Variants in WDFY4 observed in about 807,000 individuals in gnomAD.
WDFY4 encodes WD repeat- and FYVE domain-containing protein 4.
WDFY4 carries 169 observed loss-of-function variants against 351.9 expected under a neutral mutation model. That is an observed-to-expected ratio of 0.48 (90% CI 0.42 to 0.55). The LOEUF (loss-of-function observed/expected upper bound fraction) is 0.55. Ranked by LOEUF, WDFY4 falls within the 20% of genes least tolerant of loss-of-function variation. WDFY4 has a pLI of 0.00. For synonymous variants in WDFY4, 1,622 were observed against 1,574.6 expected (o/e 1.03, Z -0.71); for missense variants, 3,803 against 3,935.6 (o/e 0.97, Z 0.90).
intron 47 of WDFY4, among the ~76,000 whole-genome samples, chr10:48,917,138 G>T (rs1221292866): frequency 6.6e-6 from 1 of 152,166 alleles, no homozygotes; most frequent in Non-Finnish European, 1.5e-5. Context: ...TAGGTCTATA[G>T]TAGGCTATAC....
chr10:48,910,277 G>C, intron 47 of WDFY4: 1 of 1,596,582 alleles, frequency 6.3e-7, no homozygotes, highest in Admixed American at 1.7e-5. Context: ...GGAGACACAA[G>C]AAGGTGAGGC....
chr10:48,831,636 T>C (rs2068192494), intron 38 of WDFY4, among the ~76,000 whole-genome samples: 1 of 152,242 alleles, frequency 6.6e-6, no homozygotes, highest in Non-Finnish European at 1.5e-5. Context: ...CCATTTATGC[T>C]GCTATAACAA....
intron 47 of WDFY4, among the ~76,000 whole-genome samples, chr10:48,925,855 C>T (rs1470535650): frequency 6.6e-6 from 1 of 152,116 alleles, no homozygotes; most frequent in Non-Finnish European, 1.5e-5. Flanking sequence ...AAGTAATTGC[C>T]TCAAACATGC....
intron 13 of WDFY4, among the ~76,000 whole-genome samples, chr10:48,772,287 C>T (rs373461107): frequency 1.3e-5 from 2 of 152,056 alleles, no homozygotes; most frequent in African/African-American, 2.4e-5. Context: ...AACACAGTCC[C>T]GAGGGCACTG....
chr10:48,778,481 G>C, intron 17 of WDFY4, 130 bp from the exon 18 acceptor site: 1 of 897,384 alleles, frequency 1.1e-6, no homozygotes. Flanking sequence ...ATGGGGAGGA[G>C]ACAACTGGTG....
At chr10:48,727,831 T>C (rs1038416597) in intron 7 of WDFY4, among the ~76,000 whole-genome samples, 172 bp downstream of exon 7, 5 of 152,210 alleles carry the variant, frequency 3.3e-5, no homozygotes, top group African/African-American at 1.2e-4. Context: ...ACCACTTCCT[T>C]AGAGAATCAG....
At chr10:48,849,884 C>T (rs1304014130) in intron 39 of WDFY4, among the ~76,000 whole-genome samples, 1 of 152,214 alleles carries the variant, frequency 6.6e-6, no homozygotes, top group African/African-American at 2.4e-5. Context: ...CCTTAGTCTT[C>T]TCTGGTTTGT....
chr10:48,764,646 A>C (rs1036186017), intron 13 of WDFY4, among the ~76,000 whole-genome samples: 1 of 152,302 alleles, frequency 6.6e-6, no homozygotes, highest in African/African-American at 2.4e-5. Context: ...GCTGTGCACC[A>C]GGCACTCACA....
chr10:48,974,891 G>A lies in WDFY4; in HGVS notation c.8958G>A (p.Thr2986=), dbSNP rs1180751249. 40 of 1,550,102 alleles carry A rather than the reference G, an allele frequency of 2.6e-5. No individual in the cohort carries two copies. The highest frequency in any genetic ancestry group is 3.3e-4 in the Middle Eastern group (2 of 6,004). ...QALYGHTQAV[T]CLAASVTFSL... Reference sequence around the variant, plus strand: ...TGTATGGACACACACAGGCTGTCACGTGCCTGGCAGCGTCAGTCACCTTCA... The same window carrying A: ...TGTATGGACACACACAGGCTGTCACATGCCTGGCAGCGTCAGTCACCTTCA... Residue 2986 remains threonine (T), a synonymous_variant, in exon 58 of 62, where the codon ACG becomes ACA. Transcript: ENST00000325239.
intron 14 of WDFY4, among the ~76,000 whole-genome samples, chr10:48,774,989 CGGGAGGGGTGGGGCT>C (rs930471615): frequency 7.7e-6 from 1 of 129,520 alleles, no homozygotes; most frequent in African/African-American, 2.9e-5. Context: ...AAGGCTCTGC[CGGGAGGGGTGGGGCT>C]GGGAGGGGCT....
Position 48,974,527 on chromosome 10 carries a change from A to AAAAAAAAAAAC in WDFY4, c.8929-333_8929-332insAAAAAAAACAA. On this transcript the variant is annotated intron_variant, in intron 57 of 61. Transcript: ENST00000325239. Reference sequence around the variant, plus strand: ...CAAAAAAAAAAAAAAAAAAAAAAAAAAACAACTCATGACATGAACTGCTCC... The same window carrying AAAAAAAAAAAC: ...CAAAAAAAAAAAAAAAAAAAAAAAAAAAAAAAAAAACAACAACTCATGACATGAACTGCTCC... 2.6e-4 allele frequency among the ~76,000 whole-genome samples: 6 copies of AAAAAAAAAAAC among 23,142 alleles called. 1 individual carries two copies. The highest frequency in any genetic ancestry group is 4.4e-4 in the African/African-American group (6 of 13,746). The allele number at this position is 23,142 out of a possible 152,430, so 15.2% of individuals were successfully genotyped here. A position where few individuals can be genotyped will look rare whatever the true frequency, so the allele number is the denominator to read the frequency against.
intron 17 of WDFY4, among the ~76,000 whole-genome samples, chr10:48,777,788 G>A (rs1476207305): frequency 6.6e-6 from 1 of 152,222 alleles, no homozygotes; most frequent in Non-Finnish European, 1.5e-5. Flanking sequence ...CCTTGGTCCT[G>A]AGTATCTGCA....
At chr10:48,831,117 T>G (rs571117116) in intron 38 of WDFY4, among the ~76,000 whole-genome samples, 2 of 152,136 alleles carry the variant, frequency 1.3e-5, no homozygotes, top group Non-Finnish European at 2.9e-5. Flanking sequence ...AGCAGGAAGA[T>G]TCCAGTAATT....
intron 24 of WDFY4, among the ~76,000 whole-genome samples, chr10:48,796,815 T>C (rs2066891078): frequency 1.3e-5 from 2 of 152,212 alleles, no homozygotes; most frequent in Non-Finnish European, 1.5e-5. Flanking sequence ...TCAGTTCCTT[T>C]GGGTGGTGCT....
rs529812018 is a variant in WDFY4, at chr10:48,945,411, T to A, written c.7750-629T>A. Among the ~76,000 whole-genome samples, 184 of 152,108 alleles carry A rather than the reference T, an allele frequency of 1.2e-3. 1 individual carries two copies. Among genetic ancestry groups the A allele is most frequent in the African/African-American group, 4.4e-3 (182 of 41,488 alleles). On this transcript the variant is annotated intron_variant, in intron 49 of 61. Transcript: ENST00000325239. ...AAAGAAGGAGAGATACACAGGTACC[T>A]CCTCCTATAAAGAAATGCAAACCCC...
At chr10:48,818,520 G>C (rs1037203171) in intron 32 of WDFY4, among the ~76,000 whole-genome samples, 1 of 152,160 alleles carries the variant, frequency 6.6e-6, no homozygotes, top group African/African-American at 2.4e-5. Context: ...GTTTCCTCCA[G>C]GCTCACTGAG....
chr10:48,715,695 G>A (rs761973694), intron 2 of WDFY4, among the ~76,000 whole-genome samples: 4 of 151,998 alleles, frequency 2.6e-5, no homozygotes, highest in Non-Finnish European at 4.4e-5. Context: ...GCCCGATCTC[G>A]GCTCACTGCA....
chr10:48,957,408 A>G, intron 52 of WDFY4, 126 bp downstream of exon 52: 1 of 1,230,538 alleles, frequency 8.1e-7, no homozygotes, highest in Non-Finnish European at 1.1e-6. Context: ...ACTTCGGGTG[A>G]GGTCTCCACT....
chr10:48,818,172 G>C (rs2067687776), intron 32 of WDFY4, among the ~76,000 whole-genome samples: 1 of 152,222 alleles, frequency 6.6e-6, no homozygotes, highest in South Asian at 2.1e-4. Context: ...ATTAGGAAGT[G>C]GAGACCCAGT....
Sources: gnomAD v4.1 joint callset for allele counts (sites outside exome capture counted in the v4.1 genomes callset) on GRCh38, gnomAD v4.1.1 for gene constraint, MANE v1.5 for transcripts, NCBI Gene and HGNC (gene_info 2026-07-23, HGNC 2026-07-21) for gene names.